The following RBFOX1 variants were observed in gnomAD, a reference collection of about 807,000 sequenced individuals.
The protein encoded by RBFOX1 is RNA binding fox-1 homolog 1.
Under a neutral mutation model 57.7 loss-of-function variants are expected in RBFOX1, and 8 were observed. That is an observed-to-expected ratio of 0.14 (90% CI 0.08 to 0.25). The LOEUF (loss-of-function observed/expected upper bound fraction) is 0.25. Ranked by LOEUF, RBFOX1 falls within the 10% of genes least tolerant of loss-of-function variation. The probability of loss-of-function intolerance (pLI) is 1.00; values close to 1 mark genes in which losing one functional copy is unlikely to be tolerated. For synonymous variants in RBFOX1, 326 were observed against 222.4 expected (o/e 1.47, Z -4.15); for missense variants, 611 against 548.5 (o/e 1.11, Z -1.14).
chr16:7,629,944 G>C (rs2060671520), intron 10 of RBFOX1, among the ~76,000 whole-genome samples: 1 of 152,176 alleles, frequency 6.6e-6, no homozygotes, highest in Non-Finnish European at 1.5e-5. Flanking sequence ...GGTCCAGGGT[G>C]GGTCCCAGGG....
chr16:6,956,610 A>G (rs1003573544), intron 3 of RBFOX1, among the ~76,000 whole-genome samples: 1 of 152,198 alleles, frequency 6.6e-6, no homozygotes, highest in South Asian at 2.1e-4. Context: ...GAGTGGTTCA[A>G]ATCCACAGCC....
At chr16:7,250,921 G>A (rs898545728) in intron 4 of RBFOX1, among the ~76,000 whole-genome samples, 6 of 152,124 alleles carry the variant, frequency 3.9e-5, no homozygotes, top group African/African-American at 7.2e-5. Context: ...CATTTATCAT[G>A]TACAACATGA....
chr16:6,976,159 C>G (rs1205609334), intron 3 of RBFOX1, among the ~76,000 whole-genome samples: 1 of 152,100 alleles, frequency 6.6e-6, no homozygotes, highest in East Asian at 1.9e-4. Context: ...AAAAAACTAG[C>G]ATTAACTGGT....
At chr16:7,018,413 G>T (rs961043621) in intron 3 of RBFOX1, among the ~76,000 whole-genome samples, 1 of 152,106 alleles carries the variant, frequency 6.6e-6, no homozygotes, top group Admixed American at 6.6e-5. Context: ...GTGTGCGTGG[G>T]TGTTCATGAA....
At chr16:5,909,293 T>G (rs1013723342) in intron 4 of RBFOX1, among the ~76,000 whole-genome samples, 2 of 151,976 alleles carry the variant, frequency 1.3e-5, no homozygotes, top group African/African-American at 4.8e-5. Flanking sequence ...TGGGTTTCAC[T>G]GTGTTAGCCA....
chr16:6,959,582 G>A (rs1008134115), intron 3 of RBFOX1, among the ~76,000 whole-genome samples: 2 of 152,050 alleles, frequency 1.3e-5, no homozygotes, highest in Non-Finnish European at 2.9e-5. Flanking sequence ...TCTCCCTCAA[G>A]GCTGAACAGG....
chr16:7,701,504 A>C (rs1232345263), intron 14 of RBFOX1, among the ~76,000 whole-genome samples: 1 of 152,154 alleles, frequency 6.6e-6, no homozygotes, highest in Admixed American at 6.5e-5. Context: ...GAAGTGGAAC[A>C]GTTTTTTTTC....
chr16:6,628,362 T>C (rs541873931), intron 2 of RBFOX1, among the ~76,000 whole-genome samples: 2 of 152,316 alleles, frequency 1.3e-5, no homozygotes, highest in East Asian at 3.9e-4. Context: ...AGGATGTGAT[T>C]TTATGTTTTG....
chr16:6,424,979 A>C (rs2152994738), intron 2 of RBFOX1, among the ~76,000 whole-genome samples: 1 of 152,338 alleles, frequency 6.6e-6, no homozygotes, highest in South Asian at 2.1e-4. Flanking sequence ...TACAGGAAAA[A>C]ATACTCTACA....
intron 2 of RBFOX1, among the ~76,000 whole-genome samples, chr16:6,355,168 G>A (rs1408280854): frequency 6.6e-6 from 1 of 152,060 alleles, no homozygotes; most frequent in Non-Finnish European, 1.5e-5. Context: ...AAGTTCTGGG[G>A]TACATGTGCA....
At chr16:7,165,407 A>AATAATG (rs1172882737) in intron 4 of RBFOX1, among the ~76,000 whole-genome samples, 2 of 147,068 alleles carry the variant, frequency 1.4e-5, no homozygotes, top group Admixed American at 1.4e-4. Flanking sequence ...TAATAATAAT[A>AATAATG]ATGATAATAA....
At chr16:6,212,953 C>G (rs1030617835) in intron 1 of RBFOX1, among the ~76,000 whole-genome samples, 1 of 152,110 alleles carries the variant, frequency 6.6e-6, no homozygotes, top group Non-Finnish European at 1.5e-5. Context: ...AGAGGCAGAC[C>G]TGAACGGCCT....
chr16:6,754,452 T>C (rs2075455525), intron 3 of RBFOX1, among the ~76,000 whole-genome samples: 1 of 152,202 alleles, frequency 6.6e-6, no homozygotes, highest in African/African-American at 2.4e-5. Flanking sequence ...TGAAGCTCTT[T>C]CCTTTTGTTT....
intron 3 of RBFOX1, among the ~76,000 whole-genome samples, chr16:6,856,551 C>T (rs755007381): frequency 3.3e-5 from 5 of 152,092 alleles, no homozygotes; most frequent in Non-Finnish European, 7.4e-5. Flanking sequence ...GAATGTTCAT[C>T]AAAGAGTGTT....
chr16:7,361,281 C>A (rs2097314798), intron 4 of RBFOX1, among the ~76,000 whole-genome samples: 1 of 152,202 alleles, frequency 6.6e-6, no homozygotes. Flanking sequence ...TCTCGCTGGG[C>A]CTGCCTGTAA....
intron 14 of RBFOX1, among the ~76,000 whole-genome samples, chr16:7,678,748 A>G (rs2074024635): frequency 6.6e-6 from 1 of 152,184 alleles, no homozygotes; most frequent in African/African-American, 2.4e-5. Context: ...CCCTACTTGC[A>G]TTCATCTAAA....
At chr16:6,967,770 G>T (rs555586033) in intron 3 of RBFOX1, among the ~76,000 whole-genome samples, 1 of 152,060 alleles carries the variant, frequency 6.6e-6, no homozygotes, top group South Asian at 2.1e-4. Context: ...TGGGACCCTG[G>T]GGAATGTGTG....
intron 3 of RBFOX1, among the ~76,000 whole-genome samples, chr16:5,780,398 G>T (rs2054287932): frequency 6.6e-6 from 1 of 151,994 alleles, no homozygotes; most frequent in African/African-American, 2.4e-5. Context: ...TTTATTCATT[G>T]GTTCATCCAT....
At chr16:7,235,863 G>C (rs886264911) in intron 4 of RBFOX1, among the ~76,000 whole-genome samples, 1 of 152,184 alleles carries the variant, frequency 6.6e-6, no homozygotes. Flanking sequence ...ATTAATCAAT[G>C]AAGCAGTGTG....
Sources: allele counts gnomAD v4.1 joint callset (sites outside exome capture counted in the v4.1 genomes callset), GRCh38; gene constraint gnomAD v4.1.1; transcripts MANE v1.5; gene names NCBI Gene and HGNC (gene_info 2026-07-23, HGNC 2026-07-21).